Variants in JPT1 observed in about 807,000 individuals in gnomAD.
JPT1 encodes androgen-regulated protein 2.
JPT1 carries 5 observed loss-of-function variants against 17.0 expected under a neutral mutation model. The observed-to-expected ratio is 0.29, with a 90% CI of 0.15 to 0.62. The LOEUF is 0.62. Ranked by LOEUF, JPT1 falls within the 20% of genes least tolerant of loss-of-function variation. JPT1 has a pLI of 0.85. For missense variants in JPT1, 158 were observed against 188.1 expected (o/e 0.84, Z 0.94); for synonymous variants, 71 against 73.6 (o/e 0.96, Z 0.18).
chr17:75,136,085 G>A lies in JPT1; in HGVS notation c.*17C>T, dbSNP rs527442955. 1.6e-5 allele frequency: 26 copies of A among 1,614,094 alleles called. No individual in the cohort carries two copies. The highest frequency in any genetic ancestry group is 6.7e-5 in the African/African-American group (5 of 74,942). ...TGGAGGAAACAGACAGAACGACAGC[G>A]TTCAGGACAGTCAGAGCTAACCCAA... On this transcript the variant is annotated 3_prime_UTR_variant, in exon 5 of 5. Transcript: ENST00000409753.
intron 1 of JPT1, chr17:75,154,048 G>A (rs2074595635): frequency 4.9e-6 from 1 of 205,818 alleles, no homozygotes; most frequent in African/African-American, 2.3e-5. Context: ...CCTCCCCGAA[G>A]GTTCCGATTA....
intron 4 of JPT1, chr17:75,142,619 A>AGGGG (rs2074341603): frequency 1.5e-4 from 14 of 95,836 alleles, no homozygotes; most frequent in Non-Finnish European, 1.9e-4. Flanking sequence ...GGGAGAGAGG[A>AGGGG]GGGGAGGGAG....
At chr17:75,144,524 A>T (rs1050097948) in intron 4 of JPT1, among the ~76,000 whole-genome samples, 2 of 152,110 alleles carry the variant, frequency 1.3e-5, no homozygotes, top group East Asian at 3.8e-4. Context: ...AAAAAATAAA[A>T]AAAAATGTAT....
intron 4 of JPT1, among the ~76,000 whole-genome samples, chr17:75,143,079 C>A (rs1432138387): frequency 6.6e-6 from 1 of 152,106 alleles, no homozygotes; most frequent in Non-Finnish European, 1.5e-5. Flanking sequence ...GTCAAAAGAC[C>A]CTTAATCCAG....
chr17:75,143,188 G>A (rs776048954), intron 4 of JPT1, among the ~76,000 whole-genome samples: 2 of 152,156 alleles, frequency 1.3e-5, no homozygotes, highest in Non-Finnish European at 2.9e-5. Flanking sequence ...CAGTCCATTG[G>A]TATGAAATCA....
chr17:75,151,199 G>A (rs1178334898), intron 1 of JPT1, among the ~76,000 whole-genome samples: 1 of 152,090 alleles, frequency 6.6e-6, no homozygotes, highest in Non-Finnish European at 1.5e-5. Context: ...TGGGCGTGGT[G>A]ATGTGAACCT....
chr17:75,147,871 T>C (rs1362880154), intron 2 of JPT1: 2 of 495,786 alleles, frequency 4.0e-6, no homozygotes, highest in African/African-American at 3.9e-5. Context: ...TCATGGTGCA[T>C]GCTTGTAATC....
chr17:75,143,993 C>G (rs527887626), intron 4 of JPT1, among the ~76,000 whole-genome samples: 2 of 152,232 alleles, frequency 1.3e-5, no homozygotes, highest in South Asian at 4.1e-4. Context: ...CCACTGCACT[C>G]TAGCCTGGTT....
At chr17:75,146,845 G>A in intron 3 of JPT1, 161 bp from the exon 4 acceptor site, 1 of 579,196 alleles carries the variant, frequency 1.7e-6, no homozygotes, top group Non-Finnish European at 3.1e-6. Context: ...ATCCAACTCA[G>A]GACAATGCTA....
At chr17:75,146,787 G>A (rs2074445418) in intron 3 of JPT1, 103 bp from the exon 4 acceptor site, 2 of 732,922 alleles carry the variant, frequency 2.7e-6, no homozygotes, top group Non-Finnish European at 2.4e-6. Flanking sequence ...AACCGAATGT[G>A]ACATTTCATT....
At chr17:75,148,120 G>A (rs941731958) in intron 2 of JPT1, 1 of 231,488 alleles carries the variant, frequency 4.3e-6, no homozygotes, top group African/African-American at 2.3e-5. Flanking sequence ...AACCCAGTCT[G>A]ACTTCAGTCC....
rs1288307880 is a variant in JPT1, at chr17:75,146,756, T to C, written c.298-72A>G. On this transcript the variant is annotated intron_variant, in intron 3 of 4. Coordinates refer to ENST00000409753, the MANE Select transcript of JPT1 (RefSeq NM_016185.4). Reference sequence around the variant, plus strand: ...GAACACGCAAAACAGTCATAGTTCATAGCAGCTAACATCTACTTGAAACCG... The same window carrying C: ...GAACACGCAAAACAGTCATAGTTCACAGCAGCTAACATCTACTTGAAACCG... The C allele has an allele frequency of 4.3e-6, 4 of 934,058 alleles. No homozygotes were observed. The South Asian group carries it at 4.3e-5, about 10-fold the overall frequency. 57.9% of individuals were successfully genotyped at this position (934,058 alleles called of 1,614,324 possible).
chr17:75,149,884 CTT>C (rs978199144), intron 1 of JPT1, among the ~76,000 whole-genome samples: 72 of 149,112 alleles, frequency 4.8e-4, no homozygotes, highest in African/African-American at 1.5e-3. Flanking sequence ...CACACACACA[CTT>C]AAGTCAGCTT....
At position 75,146,648 on chromosome 17, in the gene JPT1, GTC is replaced by G; in HGVS notation, c.316+16_316+17del. ...AACCATGGACAGAGCCAGAAATTTG[GTC>G]TTCAGAAGTACTTACCATGAATATC... On this transcript the variant is annotated intron_variant, in intron 4 of 4. Transcript: ENST00000409753. 6.5e-7 allele frequency: 1 copy of G among 1,531,732 alleles called. No individual in the cohort carries two copies. Among genetic ancestry groups the G allele is most frequent in the South Asian group, 1.2e-5 (1 of 83,734 alleles). 94.9% of individuals were successfully genotyped at this position (1,531,732 alleles called of 1,614,324 possible).
intron 4 of JPT1, among the ~76,000 whole-genome samples, chr17:75,144,009 C>A (rs955051801): frequency 3.9e-5 from 6 of 151,912 alleles, no homozygotes; most frequent in Admixed American, 2.6e-4. Context: ...TGGTTAAGAC[C>A]AAAACCCAGT....
chr17:75,143,135 G>T (rs1175501010), intron 4 of JPT1, among the ~76,000 whole-genome samples: 4 of 152,208 alleles, frequency 2.6e-5, no homozygotes, highest in Non-Finnish European at 5.9e-5. Flanking sequence ...ACATGGAGAG[G>T]CCAAGAAGAA....
intron 1 of JPT1, 81 bp downstream of exon 1, chr17:75,154,261 C>G (rs2093600421): frequency 8.5e-7 from 1 of 1,172,928 alleles, no homozygotes. Flanking sequence ...TTACCCGCAA[C>G]GACCGGCGCG....
At chr17:75,148,506 G>A (rs377595248) in intron 2 of JPT1, 23 bp downstream of exon 2, 16 of 1,613,608 alleles carry the variant, frequency 9.9e-6, no homozygotes, top group Admixed American at 1.7e-5. Flanking sequence ...CCTTTGAACA[G>A]TGAGCACAGA....
intron 2 of JPT1, 101 bp downstream of exon 2, chr17:75,148,428 G>GT (rs1301121608): frequency 2.8e-6 from 4 of 1,428,094 alleles, no homozygotes; most frequent in African/African-American, 2.9e-5. Context: ...GTTTTGTTTT[G>GT]TTTTTTAGAC....
Sources: gnomAD v4.1 joint callset for allele counts (sites outside exome capture counted in the v4.1 genomes callset) on GRCh38, gnomAD v4.1.1 for gene constraint, MANE v1.5 for transcripts, NCBI Gene and HGNC (gene_info 2026-07-23, HGNC 2026-07-21) for gene names.